Variants in NALCN observed in about 807,000 individuals in gnomAD.
NALCN encodes the protein sodium leak channel NALCN.
A neutral mutation model predicts 225.3 loss-of-function variants in NALCN; 111 were observed. The observed-to-expected ratio is 0.49, with a 90% CI of 0.42 to 0.58. The LOEUF (loss-of-function observed/expected upper bound fraction) is 0.58. NALCN is among the 20% of genes least tolerant of loss of function. NALCN has a pLI of 0.00. For synonymous variants in NALCN, 764 were observed against 769.0 expected (o/e 0.99, Z 0.11); for missense variants, 1,378 against 2,202.4 (o/e 0.63, Z 7.49).
At chr13:101,082,941 GC>G (rs1161534847) in intron 32 of NALCN, 58 bp from the exon 33 acceptor site, 3 of 1,600,198 alleles carry the variant, frequency 1.9e-6, no homozygotes, top group Non-Finnish European at 2.6e-6. Context: ...ATACAGGCTT[GC>G]CCCTCTTCTG....
chr13:101,263,283 C>A (rs955112598), intron 10 of NALCN, among the ~76,000 whole-genome samples: 1 of 152,150 alleles, frequency 6.6e-6, no homozygotes, highest in African/African-American at 2.4e-5. Context: ...AATTTACTTG[C>A]AGAAATGACT....
At chr13:101,263,729 A>G (rs573356320) in intron 10 of NALCN, among the ~76,000 whole-genome samples, 2 of 152,350 alleles carry the variant, frequency 1.3e-5, no homozygotes, top group Admixed American at 6.5e-5. Flanking sequence ...ATTTTGATAC[A>G]CTATAATCAC....
intron 14 of NALCN, 123 bp from the exon 15 acceptor site, chr13:101,176,497 C>T: frequency 1.9e-6 from 1 of 532,358 alleles, no homozygotes; most frequent in Non-Finnish European, 2.9e-6. Context: ...AATAAACATG[C>T]AGTGATGAAT....
At chr13:101,373,437 T>C (rs894742348) in intron 6 of NALCN, among the ~76,000 whole-genome samples, 2 of 152,162 alleles carry the variant, frequency 1.3e-5, no homozygotes, top group South Asian at 2.1e-4. Context: ...AATCTTCCAA[T>C]GTATAAAGAG....
chr13:101,355,030 A>T (rs1442803511), intron 6 of NALCN, among the ~76,000 whole-genome samples: 1 of 152,078 alleles, frequency 6.6e-6, no homozygotes, highest in Non-Finnish European at 1.5e-5. Flanking sequence ...TTCACAGGGG[A>T]TCTGGTCATT....
At chr13:101,311,435 T>G (rs1459127681) in intron 7 of NALCN, among the ~76,000 whole-genome samples, 1 of 138,510 alleles carries the variant, frequency 7.2e-6, no homozygotes, top group Non-Finnish European at 1.6e-5. Context: ...CCCTGTCTTG[T>G]GCCAGTTTTC....
intron 7 of NALCN, among the ~76,000 whole-genome samples, chr13:101,298,566 C>G (rs1299501341): frequency 6.6e-6 from 1 of 152,194 alleles, no homozygotes; most frequent in Non-Finnish European, 1.5e-5. Flanking sequence ...AGGTGATCCA[C>G]TCACCTCGGC....
intron 7 of NALCN, among the ~76,000 whole-genome samples, chr13:101,313,861 T>C (rs1421198476): frequency 2.0e-5 from 3 of 152,090 alleles, no homozygotes; most frequent in Admixed American, 6.6e-5. Flanking sequence ...CACATGCACA[T>C]GTATGTTTAT....
At chr13:101,278,863 T>C (rs1161435747) in intron 10 of NALCN, among the ~76,000 whole-genome samples, 1 of 152,216 alleles carries the variant, frequency 6.6e-6, no homozygotes, top group Non-Finnish European at 1.5e-5. Flanking sequence ...AGGGTGTTAT[T>C]GCCACAGTCT....
intron 14 of NALCN, chr13:101,181,483 A>G: frequency 2.6e-6 from 1 of 377,936 alleles, no homozygotes; most frequent in Non-Finnish European, 5.2e-6. Flanking sequence ...ATGGTGACTC[A>G]TGCGTGTAAT....
At chr13:101,154,041 C>T (rs1366162344) in intron 15 of NALCN, among the ~76,000 whole-genome samples, 2 of 152,150 alleles carry the variant, frequency 1.3e-5, no homozygotes, top group African/African-American at 4.8e-5. Context: ...CCATCTTCTC[C>T]AGGAATATTT....
intron 40 of NALCN, among the ~76,000 whole-genome samples, chr13:101,062,711 C>T (rs547109458): frequency 6.6e-6 from 1 of 152,302 alleles, no homozygotes; most frequent in Admixed American, 6.5e-5. Flanking sequence ...TCAAGCATTT[C>T]TTCTGCCTCA....
chr13:101,172,416 TATA>T (rs377708986), intron 15 of NALCN, among the ~76,000 whole-genome samples: 109 of 152,282 alleles, frequency 7.2e-4, no homozygotes, highest in African/African-American at 2.6e-3. Context: ...TCTTTTCCAT[TATA>T]ATTTCTTCAC....
intron 10 of NALCN, among the ~76,000 whole-genome samples, chr13:101,277,422 T>A (rs749057401): frequency 6.6e-6 from 1 of 152,208 alleles, no homozygotes; most frequent in Non-Finnish European, 1.5e-5. Flanking sequence ...CACTGAAATG[T>A]GTGGACTAAT....
intron 13 of NALCN, among the ~76,000 whole-genome samples, chr13:101,211,205 GA>G (rs2040510379): frequency 6.6e-6 from 1 of 152,048 alleles, no homozygotes; most frequent in Admixed American, 6.6e-5. Flanking sequence ...TTGAACAATG[GA>G]ACAGTCTGAT....
At chr13:101,175,648 G>C (rs1023747965) in intron 15 of NALCN, among the ~76,000 whole-genome samples, 2 of 152,280 alleles carry the variant, frequency 1.3e-5, no homozygotes, top group Middle Eastern at 3.4e-3. Flanking sequence ...CAAAGGGTCT[G>C]TACTCTTTGA....
intron 11 of NALCN, among the ~76,000 whole-genome samples, chr13:101,257,594 T>C (rs1278901284): frequency 6.6e-6 from 1 of 152,172 alleles, no homozygotes; most frequent in Non-Finnish European, 1.5e-5. Flanking sequence ...ATTGTGACTT[T>C]TTTCTGTCTT....
chr13:101,104,420 C>T lies in NALCN; in HGVS notation c.2764G>A (p.Glu922Lys), dbSNP rs1288858780. 3 of 1,612,996 alleles carry T rather than the reference C, an allele frequency of 1.9e-6. No individual in the cohort carries two copies. The highest frequency in any genetic ancestry group is 2.5e-6 in the Non-Finnish European group (3 of 1,179,444). ...VMHAPTLQIA[E>K]YVFVIFMSIE... is the part of the protein sequence containing the mutation. ...CTCATGAATATCACAAACACATACT[C>T]AGCAATCTGAAACGGGCAAAAGGCA... Residue 922 changes from glutamate (E) to lysine (K), a missense_variant, in exon 25 of 44, where the codon GAG (glutamate) becomes AAG (lysine). Coordinates refer to ENST00000251127, the MANE Select transcript of NALCN (RefSeq NM_052867.4). This position sits in a 1 kb window ranked among gnomAD's most constrained non-coding sequence, Gnocchi z 4.2.
At chr13:101,133,155 A>G (rs2036597851) in intron 17 of NALCN, among the ~76,000 whole-genome samples, 1 of 152,238 alleles carries the variant, frequency 6.6e-6, no homozygotes, top group African/African-American at 2.4e-5. Context: ...TTCCTTTAGG[A>G]TGCGGCAATG....
Sources: gnomAD v4.1 joint callset for allele counts (sites outside exome capture counted in the v4.1 genomes callset) on GRCh38, gnomAD v4.1.1 for gene constraint, Gnocchi (gnomAD v3.1) non-coding constraint, MANE v1.5 for transcripts, NCBI Gene and HGNC (gene_info 2026-07-23, HGNC 2026-07-21) for gene names.